GIGYF2: variants seen among roughly 807,000 people sequenced by gnomAD.
The protein encoded by GIGYF2 is GRB10 interacting GYF protein 2.
A neutral mutation model predicts 208.1 loss-of-function variants in GIGYF2; 25 were observed. The ratio of observed to expected loss-of-function variants is 0.12; its 90% CI spans 0.09 to 0.17. The LOEUF (loss-of-function observed/expected upper bound fraction) is 0.17. GIGYF2 is among the 10% of genes least tolerant of loss of function. The pLI is 1.00. For missense variants in GIGYF2, 1,302 were observed against 1,579.4 expected (o/e 0.82, Z 2.98); for synonymous variants, 534 against 543.8 (o/e 0.98, Z 0.25).
At chr2:232,768,085 A>G in intron 8 of GIGYF2, 1 of 1,093,734 alleles carries the variant, frequency 9.1e-7, no homozygotes, top group Non-Finnish European at 1.4e-6. Flanking sequence ...ACCGTGATGT[A>G]GAGAGCTATA....
At chr2:232,705,810 T>C (rs1458616534) in intron 2 of GIGYF2, 5 of 151,760 alleles carry the variant, frequency 3.3e-5, no homozygotes, top group African/African-American at 1.2e-4. Context: ...TTCAAGCGAT[T>C]CTCCTGCCTC....
chr2:232,819,792 TCCCCCAC>T (rs1447134245), intron 20 of GIGYF2, 28 bp from the exon 21 acceptor site: 13 of 183,890 alleles, frequency 7.1e-5, no homozygotes, highest in Non-Finnish European at 1.2e-4. Flanking sequence ...CCTGAGTCCC[TCCCCCAC>T]CCCCCACCCT....
At chr2:232,844,690 T>C in intron 25 of GIGYF2, 116 bp downstream of exon 25, 1 of 725,062 alleles carries the variant, frequency 1.4e-6, no homozygotes, top group Non-Finnish European at 2.5e-6. Context: ...CTTACCGTTT[T>C]CATCTGTGTT....
chr2:232,703,037 T>C (rs1439854773), intron 1 of GIGYF2, among the ~76,000 whole-genome samples: 1 of 152,152 alleles, frequency 6.6e-6, no homozygotes, highest in Non-Finnish European at 1.5e-5. Context: ...TCACCTTCCT[T>C]GGCCTTCCAA....
chr2:232,784,151 G>A (rs1345301394), intron 8 of GIGYF2, among the ~76,000 whole-genome samples: 2 of 152,094 alleles, frequency 1.3e-5, no homozygotes, highest in East Asian at 3.9e-4. Context: ...GCCTGTTTAG[G>A]GCAACAGTTG....
intron 2 of GIGYF2, among the ~76,000 whole-genome samples, chr2:232,721,935 T>G (rs1311956278): frequency 6.6e-6 from 1 of 152,214 alleles, no homozygotes. Flanking sequence ...TCTACTATAC[T>G]TGCTTTTTGG....
At chr2:232,754,120 G>A (rs11688691) in intron 5 of GIGYF2, among the ~76,000 whole-genome samples, 24,879 of 151,180 alleles carry the variant, frequency 0.16, 2,568 homozygotes, top group Non-Finnish European at 0.22. Context: ...AGCTGAGATC[G>A]TGCCACTGCA....
chr2:232,784,320 A>G (rs929436357), intron 8 of GIGYF2, among the ~76,000 whole-genome samples: 3 of 151,640 alleles, frequency 2.0e-5, no homozygotes, highest in Non-Finnish European at 4.4e-5. Flanking sequence ...AATAAAATGA[A>G]ATTTTAAATT....
chr2:232,722,046 T>C (rs1696965895), intron 2 of GIGYF2, among the ~76,000 whole-genome samples: 1 of 152,214 alleles, frequency 6.6e-6, no homozygotes, highest in Non-Finnish European at 1.5e-5. Context: ...TTTGCCTTCT[T>C]ATTCTTCCCT....
intron 5 of GIGYF2, among the ~76,000 whole-genome samples, chr2:232,755,564 G>T (rs1574840739): frequency 6.6e-6 from 1 of 152,270 alleles, no homozygotes; most frequent in Non-Finnish European, 1.5e-5. Flanking sequence ...CTTTTTACTT[G>T]ACCCTGTTCC....
intron 2 of GIGYF2, among the ~76,000 whole-genome samples, chr2:232,728,482 A>G (rs1697307980): frequency 1.3e-5 from 2 of 152,226 alleles, no homozygotes; most frequent in South Asian, 2.1e-4. Context: ...AAATGAATGG[A>G]TATAAGGGAT....
intron 2 of GIGYF2, among the ~76,000 whole-genome samples, chr2:232,710,234 C>T (rs556417572): frequency 6.6e-5 from 10 of 152,186 alleles, no homozygotes; most frequent in African/African-American, 2.2e-4. Flanking sequence ...GCTGGGATTA[C>T]AGGTGTGAGC....
chr2:232,747,150 T>G (rs1404504877), intron 3 of GIGYF2, among the ~76,000 whole-genome samples: 2 of 152,218 alleles, frequency 1.3e-5, no homozygotes, highest in South Asian at 4.1e-4. Flanking sequence ...TTAGCTATTA[T>G]CAAATCATTC....
intron 2 of GIGYF2, among the ~76,000 whole-genome samples, chr2:232,708,780 G>T (rs1696250484): frequency 2.0e-5 from 3 of 151,034 alleles, no homozygotes; most frequent in Admixed American, 1.3e-4. Context: ...TCCTCCCATT[G>T]CACTCCAGCC....
chr2:232,807,961 C>T lies in GIGYF2; in HGVS notation c.1806+1304C>T, dbSNP rs574997613. Among the ~76,000 whole-genome samples the T allele has an allele frequency of 3.5e-4, 54 of 152,310 alleles. No individual in the cohort carries two copies. The Middle Eastern group carries it at 0.01, about 29-fold the overall frequency. On this transcript the variant is annotated intron_variant, in intron 15 of 28. Transcript: ENST00000373563. Reference sequence around the variant, plus strand: ...TATATTGAGGGCCTGTGCCAGGCCTCGTAGTAGGTTCTTAGGAGATGAAGA... The same window carrying T: ...TATATTGAGGGCCTGTGCCAGGCCTTGTAGTAGGTTCTTAGGAGATGAAGA...
At chr2:232,793,503 A>G (rs1444901319) in intron 12 of GIGYF2, among the ~76,000 whole-genome samples, 7 of 152,180 alleles carry the variant, frequency 4.6e-5, no homozygotes, top group Admixed American at 3.9e-4. Context: ...TTATGGTGCC[A>G]TTCACCATAG....
chr2:232,799,578 A>G (rs1249668463), intron 14 of GIGYF2, among the ~76,000 whole-genome samples: 1 of 151,098 alleles, frequency 6.6e-6, no homozygotes, highest in Non-Finnish European at 1.5e-5. Context: ...AATAATAATA[A>G]TAATAATACT....
Position 232,817,036 on chromosome 2 carries a change from T to A in GIGYF2, c.2370+4T>A, listed in dbSNP as rs1310966539. On this transcript the variant is annotated splice_donor_region_variant and intron_variant, in intron 20 of 28. Transcript: ENST00000373563. Reference sequence around the variant, plus strand: ...AGAACTTGCCCGAAGGAAACAGGTATGTATCTGGGAACTCTGACCATAGGA... The same window carrying A: ...AGAACTTGCCCGAAGGAAACAGGTAAGTATCTGGGAACTCTGACCATAGGA... The A allele has an allele frequency of 1.2e-6, 2 of 1,606,686 alleles. No individual in the cohort carries two copies. Among genetic ancestry groups the A allele is most frequent in the East Asian group, 2.2e-5 (1 of 44,846 alleles).
At chr2:232,777,628 A>G (rs746118746) in intron 8 of GIGYF2, among the ~76,000 whole-genome samples, 34 of 64,146 alleles carry the variant, frequency 5.3e-4, no homozygotes, top group Non-Finnish European at 7.9e-4. Context: ...CCCCCGCCCC[A>G]CAATTTAAAA....
Sources: allele counts gnomAD v4.1 joint callset (sites outside exome capture counted in the v4.1 genomes callset), GRCh38; gene constraint gnomAD v4.1.1; transcripts MANE v1.5; gene names NCBI Gene and HGNC (gene_info 2026-07-23, HGNC 2026-07-21).